Variants in DLG2 observed in about 807,000 individuals in gnomAD.
DLG2 encodes discs large MAGUK scaffold protein 2, also known as disks large homolog 2.
A neutral mutation model predicts 132.5 loss-of-function variants in DLG2; 45 were observed. The ratio of observed to expected loss-of-function variants is 0.34; its 90% CI spans 0.27 to 0.44. The LOEUF (loss-of-function observed/expected upper bound fraction) is 0.44. DLG2 is among the 20% of genes least tolerant of loss of function. The pLI, the probability that DLG2 is intolerant of heterozygous loss-of-function variation, is 1.00. For missense variants in DLG2, 1,045 were observed against 1,196.9 expected, an observed-to-expected ratio of 0.87 and a Z score of 1.87; for synonymous variants, 424 against 419.6, an observed-to-expected ratio of 1.01 and a Z score of -0.13.
intron 6 of DLG2, among the ~76,000 whole-genome samples, chr11:85,077,560 G>C (rs1430224800): frequency 6.6e-6 from 1 of 151,944 alleles, no homozygotes; most frequent in Non-Finnish European, 1.5e-5. Context: ...TTAAATGCCA[G>C]TGAATGGAAA....
intron 6 of DLG2, among the ~76,000 whole-genome samples, chr11:84,809,665 C>T (rs867346900): frequency 1.3e-5 from 2 of 151,754 alleles, no homozygotes; most frequent in African/African-American, 4.8e-5. Context: ...AATATAATAC[C>T]TTTTACAATT....
At chr11:84,839,156 A>G (rs1291808963) in intron 6 of DLG2, among the ~76,000 whole-genome samples, 1 of 152,168 alleles carries the variant, frequency 6.6e-6, no homozygotes, top group East Asian at 1.9e-4. Context: ...CTCAGGATAC[A>G]AAATCAATGT....
chr11:84,282,681 C>A (rs896503493), intron 7 of DLG2, among the ~76,000 whole-genome samples: 1 of 152,100 alleles, frequency 6.6e-6, no homozygotes, highest in Non-Finnish European at 1.5e-5. Flanking sequence ...AAAGCAATGA[C>A]CTTCCAGCAG....
chr11:83,499,898 T>TATATATA (rs1555113167), intron 21 of DLG2, among the ~76,000 whole-genome samples: 4 of 96,470 alleles, frequency 4.1e-5, no homozygotes, highest in Non-Finnish European at 8.4e-5. Flanking sequence ...TATATATATA[T>TATATATA]CAGTTCTGTC....
chr11:84,362,053 T>C (rs774210498), intron 7 of DLG2, among the ~76,000 whole-genome samples: 1 of 151,920 alleles, frequency 6.6e-6, no homozygotes, highest in Non-Finnish European at 1.5e-5. Flanking sequence ...ATATTAATAA[T>C]TATATCAAAT....
intron 6 of DLG2, among the ~76,000 whole-genome samples, chr11:84,601,527 T>G (rs1247595750): frequency 2.0e-5 from 3 of 151,988 alleles, no homozygotes; most frequent in Non-Finnish European, 4.4e-5. Context: ...GAGCATGACT[T>G]ATGACAGTGA....
chr11:85,474,425 T>C (rs935795658), intron 3 of DLG2, among the ~76,000 whole-genome samples: 5 of 151,934 alleles, frequency 3.3e-5, no homozygotes, highest in Admixed American at 3.3e-4. Context: ...CCAACCATGG[T>C]GAGCTTTTAA....
intron 6 of DLG2, among the ~76,000 whole-genome samples, chr11:84,767,523 A>C (rs1834140813): frequency 6.6e-6 from 1 of 152,088 alleles, no homozygotes. Context: ...TTAAAATATG[A>C]GGAGCCTTAA....
intron 3 of DLG2, among the ~76,000 whole-genome samples, chr11:85,566,738 C>T (rs557214306): frequency 1.8e-4 from 27 of 151,394 alleles, no homozygotes; most frequent in African/African-American, 4.6e-4. Flanking sequence ...TTGTGGGGAA[C>T]GCTAACATTC....
At chr11:84,308,970 A>G (rs949495351) in intron 7 of DLG2, among the ~76,000 whole-genome samples, 2 of 152,338 alleles carry the variant, frequency 1.3e-5, no homozygotes, top group Non-Finnish European at 2.9e-5. Context: ...TGGCCAGCCC[A>G]GAAAGCGGCT....
chr11:83,751,435 T>A (rs2093301762), intron 18 of DLG2, among the ~76,000 whole-genome samples: 1 of 152,140 alleles, frequency 6.6e-6, no homozygotes, highest in South Asian at 2.1e-4. Context: ...AAGAATAAGA[T>A]AATCTAACTT....
rs191989224 is a variant in DLG2, at chr11:83,989,258, A to G, written c.920-8616T>C. 1.1e-3 allele frequency among the ~76,000 whole-genome samples: 164 copies of G among 152,278 alleles called. 1 individual carries two copies. The highest frequency in any genetic ancestry group is 3.8e-3 in the African/African-American group (158 of 41,560). On this transcript the variant is annotated intron_variant, in intron 11 of 27. Transcript: ENST00000376104. The stretch of plus-strand genomic sequence containing the variant: ...AACCTGTACAGGGTTTATGGTAAGC[A>G]CTGAGCAGGCAATGGGACAACAGCA...
At chr11:84,340,554 T>C (rs4944485) in intron 7 of DLG2, among the ~76,000 whole-genome samples, 3,118 of 152,240 alleles carry the variant, frequency 0.02, 98 homozygotes, top group South Asian at 0.13. Flanking sequence ...AAAGTAGGTA[T>C]TCTGATCCAT....
At chr11:85,415,093 G>A (rs1365606679) in intron 3 of DLG2, among the ~76,000 whole-genome samples, 1 of 152,056 alleles carries the variant, frequency 6.6e-6, no homozygotes, top group Admixed American at 6.5e-5. Context: ...TCCCACTTAT[G>A]AGTGAGAACA....
intron 6 of DLG2, among the ~76,000 whole-genome samples, chr11:84,643,712 T>C (rs1380835649): frequency 6.6e-6 from 1 of 152,202 alleles, no homozygotes; most frequent in Admixed American, 6.5e-5. Flanking sequence ...TACAGAAGAA[T>C]AGGTGTATAG....
chr11:83,883,481 C>A (rs576047847), intron 15 of DLG2, among the ~76,000 whole-genome samples: 1 of 151,900 alleles, frequency 6.6e-6, no homozygotes, highest in Non-Finnish European at 1.5e-5. Flanking sequence ...TCTAAAAATC[C>A]CACTCATCAC....
intron 8 of DLG2, among the ~76,000 whole-genome samples, chr11:84,243,938 T>C (rs2097268146): frequency 6.6e-6 from 1 of 152,242 alleles, no homozygotes; most frequent in Admixed American, 6.5e-5. Context: ...GTATTATTCC[T>C]ATTTTATATA....
intron 3 of DLG2, among the ~76,000 whole-genome samples, chr11:85,496,073 G>C (rs2093662025): frequency 6.6e-6 from 1 of 152,186 alleles, no homozygotes; most frequent in Non-Finnish European, 1.5e-5. Flanking sequence ...AGCCCACAGA[G>C]GGCGAGCCAA....
intron 6 of DLG2, among the ~76,000 whole-genome samples, chr11:85,004,334 C>CA: frequency 6.6e-6 from 1 of 152,290 alleles, no homozygotes; most frequent in Admixed American, 6.5e-5. Flanking sequence ...ACACTCCCAC[C>CA]AACAGCATAA....
Sources: gnomAD v4.1 joint callset for allele counts (sites outside exome capture counted in the v4.1 genomes callset) on GRCh38, gnomAD v4.1.1 for gene constraint, MANE v1.5 for transcripts, NCBI Gene and HGNC (gene_info 2026-07-23, HGNC 2026-07-21) for gene names.